MED12L: variants seen among roughly 807,000 people sequenced by gnomAD.
MED12L encodes mediator complex subunit 12L.
In MED12L, 60 loss-of-function variants were observed where a neutral mutation model predicts 281.3. That is an observed-to-expected ratio of 0.21 (90% CI 0.17 to 0.26). MED12L has a LOEUF of 0.26. Ranked by LOEUF, MED12L falls within the 10% of genes least tolerant of loss-of-function variation. MED12L has a pLI of 1.00. For missense variants in MED12L, 2,146 were observed against 2,680.9 expected (o/e 0.80, Z 4.41); for synonymous variants, 974 against 987.2 (o/e 0.99, Z 0.25).
At chr3:151,376,903 T>G in intron 29 of MED12L, 29 bp downstream of exon 29, 1 of 1,612,204 alleles carries the variant, frequency 6.2e-7, no homozygotes, top group Non-Finnish European at 8.5e-7. Flanking sequence ...CTTATCTCTG[T>G]ATGAAATTTT....
chr3:151,205,972 A>T (rs1401761760), intron 16 of MED12L, among the ~76,000 whole-genome samples: 2 of 151,732 alleles, frequency 1.3e-5, no homozygotes, highest in Non-Finnish European at 2.9e-5. Flanking sequence ...CAAATGGAAG[A>T]TTTTTATGAT....
At chr3:151,371,892 G>A (rs1427976665) in intron 26 of MED12L, among the ~76,000 whole-genome samples, 2 of 152,088 alleles carry the variant, frequency 1.3e-5, no homozygotes, top group Admixed American at 6.6e-5. Context: ...CCAGAACTTT[G>A]TTATGAAGAA....
At chr3:151,106,296 TTTCCTTTTCCTTCTCCCCTCCCCTCCC>T (rs1283237038) in intron 2 of MED12L, among the ~76,000 whole-genome samples, 41 of 105,534 alleles carry the variant, frequency 3.9e-4, no homozygotes, top group African/African-American at 1.8e-3. Flanking sequence ...TCCTTTTCCT[TTTCCTTTTCCTTCTCCCCTCCCCTCCC>T]CTCCCCTCCC....
intron 17 of MED12L, among the ~76,000 whole-genome samples, chr3:151,354,067 G>A (rs1324324708): frequency 6.8e-6 from 1 of 148,110 alleles, no homozygotes; most frequent in Non-Finnish European, 1.5e-5. Flanking sequence ...CGTGAACCCG[G>A]GAGGCGGAGC....
At chr3:151,182,190 T>C (rs1240248738) in intron 11 of MED12L, among the ~76,000 whole-genome samples, 2 of 152,208 alleles carry the variant, frequency 1.3e-5, no homozygotes, top group Non-Finnish European at 2.9e-5. Flanking sequence ...GTGAATGCTC[T>C]AGATGTTATA....
At chr3:151,155,892 AG>A (rs1719211800) in intron 5 of MED12L, among the ~76,000 whole-genome samples, 1 of 152,218 alleles carries the variant, frequency 6.6e-6, no homozygotes, top group African/African-American at 2.4e-5. Flanking sequence ...CTAGGTTAAG[AG>A]TCACAGAAGC....
At chr3:151,401,338 C>T (rs553835512) in intron 39 of MED12L, among the ~76,000 whole-genome samples, 39 of 151,444 alleles carry the variant, frequency 2.6e-4, no homozygotes, top group Non-Finnish European at 5.0e-4. Context: ...TTCTTCTATA[C>T]ATGTGGAAAG....
intron 16 of MED12L, among the ~76,000 whole-genome samples, chr3:151,203,411 CTTTTT>C (rs35357625): frequency 7.2e-6 from 1 of 139,314 alleles, no homozygotes; most frequent in Non-Finnish European, 1.6e-5. Context: ...AGTACCTAGC[CTTTTT>C]TTTTTTTTAA....
chr3:151,117,001 A>G (rs1712926824), intron 3 of MED12L, among the ~76,000 whole-genome samples: 1 of 152,162 alleles, frequency 6.6e-6, no homozygotes, highest in Non-Finnish European at 1.5e-5. Flanking sequence ...TTCTTCAGTA[A>G]AAGTTCATCC....
intron 2 of MED12L, among the ~76,000 whole-genome samples, chr3:151,107,863 T>C (rs944312625): frequency 1.3e-5 from 2 of 152,142 alleles, no homozygotes; most frequent in African/African-American, 4.8e-5. Flanking sequence ...TAGGTAAGCC[T>C]ATGCATTCAA....
intron 16 of MED12L, chr3:151,327,985 C>T: frequency 6.5e-7 from 1 of 1,534,200 alleles, no homozygotes; most frequent in Admixed American, 2.2e-5. Context: ...ACCCTATGTA[C>T]AGTTGTCAGC....
intron 27 of MED12L, among the ~76,000 whole-genome samples, chr3:151,373,916 T>C (rs1412268074): frequency 6.6e-6 from 1 of 152,196 alleles, no homozygotes; most frequent in African/African-American, 2.4e-5. Flanking sequence ...CTCATGGTTA[T>C]GGAGTATCAT....
chr3:151,097,019 G>A (rs192174983), intron 2 of MED12L, among the ~76,000 whole-genome samples: 2 of 152,324 alleles, frequency 1.3e-5, no homozygotes, highest in Non-Finnish European at 2.9e-5. Context: ...TGCTTCAGAA[G>A]CTCATGCATT....
intron 16 of MED12L, among the ~76,000 whole-genome samples, chr3:151,334,206 T>TTTTTTTGCCATTTCTA (rs1201671557): frequency 6.8e-6 from 1 of 147,098 alleles, no homozygotes; most frequent in African/African-American, 2.5e-5. Context: ...CTTTTTTTTT[T>TTTTTTTGCCATTTCTA]TGCCATTTCT....
intron 12 of MED12L, 101 bp from the exon 13 acceptor site, chr3:151,188,252 GT>G (rs1350331415): frequency 1.2e-6 from 1 of 832,502 alleles, no homozygotes; most frequent in African/African-American, 1.7e-5. Flanking sequence ...AATTTTACAT[GT>G]TTTACCTGAG....
chr3:151,270,243 T>TGTGTGTG (rs1559964090), intron 16 of MED12L: 1 of 25,484 alleles, frequency 3.9e-5, no homozygotes, highest in Non-Finnish European at 9.8e-5. Context: ...GTGTGTGTGT[T>TGTGTGTG]TTCTTTTGGG....
intron 2 of MED12L, among the ~76,000 whole-genome samples, chr3:151,115,965 G>A (rs1712711454): frequency 6.6e-6 from 1 of 151,052 alleles, no homozygotes; most frequent in Non-Finnish European, 1.5e-5. Context: ...GGGAGGCTGA[G>A]GAAAAGGAGA....
intron 5 of MED12L, among the ~76,000 whole-genome samples, chr3:151,131,945 T>G (rs56863103): frequency 0.02 from 3,068 of 152,350 alleles, 110 homozygotes; most frequent in African/African-American, 0.07. Flanking sequence ...GCTGTATTTT[T>G]TCTTCCTCTG....
At chr3:151,338,647 C>T in intron 16 of MED12L, 1 of 1,613,812 alleles carries the variant, frequency 6.2e-7, no homozygotes, top group South Asian at 1.1e-5. Context: ...TCAGAAATGA[C>T]TGTGTTCTTA....
Sources: allele counts gnomAD v4.1 joint callset (sites outside exome capture counted in the v4.1 genomes callset), GRCh38; gene constraint gnomAD v4.1.1; transcripts MANE v1.5; gene names NCBI Gene and HGNC (gene_info 2026-07-23, HGNC 2026-07-21).